Variants in THSD7B observed in about 807,000 individuals in gnomAD.
The protein encoded by THSD7B is thrombospondin type-1 domain-containing protein 7B.
Under a neutral mutation model 213.6 loss-of-function variants are expected in THSD7B, and 138 were observed. That is an observed-to-expected ratio of 0.65 (90% CI 0.56 to 0.74). The LOEUF (loss-of-function observed/expected upper bound fraction) is 0.74. THSD7B is among the 30% of genes least tolerant of loss of function. THSD7B has a pLI of 0.00. For missense variants in THSD7B, 1,931 were observed against 1,991.5 expected, an observed-to-expected ratio of 0.97 and a Z score of 0.58; for synonymous variants, 742 against 687.0, an observed-to-expected ratio of 1.08 and a Z score of -1.25.
chr2:137,338,689 C>T (rs1684694588), intron 12 of THSD7B, among the ~76,000 whole-genome samples: 1 of 152,082 alleles, frequency 6.6e-6, no homozygotes, highest in Non-Finnish European at 1.5e-5. Context: ...GATGTTGCTT[C>T]ATTGAAACCA....
chr2:137,624,714 A>G (rs1682590436), intron 20 of THSD7B, among the ~76,000 whole-genome samples: 1 of 152,262 alleles, frequency 6.6e-6, no homozygotes, highest in African/African-American at 2.4e-5. Context: ...GCCAACAGAC[A>G]CATGAAAAAA....
rs116814643 is a variant in THSD7B, at chr2:137,523,215, A to G, written c.3139-40006A>G. 9.4e-3 allele frequency among the ~76,000 whole-genome samples: 1,436 copies of G among 152,198 alleles called. 19 individuals carry two copies. Among genetic ancestry groups the G allele is most frequent in the African/African-American group, 0.033 (1,365 of 41,516 alleles). On this transcript the variant is annotated intron_variant, in intron 15 of 27. Transcript: ENST00000409968. ...TCTTCTGTCATTAATTCAAAATTCA[A>G]TTTTTGCCACATCAATTTTATTTGC...
At chr2:137,301,239 C>T (rs1683593688) in intron 12 of THSD7B, among the ~76,000 whole-genome samples, 1 of 152,022 alleles carries the variant, frequency 6.6e-6, no homozygotes, top group Non-Finnish European at 1.5e-5. Flanking sequence ...TTTATGGTTC[C>T]CAGGTGACTG....
chr2:137,431,137 C>T (rs896310177), intron 14 of THSD7B, among the ~76,000 whole-genome samples: 7 of 152,216 alleles, frequency 4.6e-5, no homozygotes, highest in Middle Eastern at 3.4e-3. Flanking sequence ...TGGTTTTATC[C>T]GTTTTAGAGA....
At chr2:136,946,334 C>T (rs905452541) in intron 2 of THSD7B, among the ~76,000 whole-genome samples, 1 of 152,068 alleles carries the variant, frequency 6.6e-6, no homozygotes, top group Non-Finnish European at 1.5e-5. Flanking sequence ...AATATTGCTG[C>T]CCGATCCTTC....
intron 12 of THSD7B, among the ~76,000 whole-genome samples, chr2:137,372,176 G>A (rs1685546635): frequency 6.6e-6 from 1 of 152,042 alleles, no homozygotes; most frequent in South Asian, 2.1e-4. Context: ...TTCAGTGGTG[G>A]CCTAGAGGGG....
At chr2:137,306,277 G>A (rs1400054676) in intron 12 of THSD7B, among the ~76,000 whole-genome samples, 2 of 151,974 alleles carry the variant, frequency 1.3e-5, no homozygotes, top group Non-Finnish European at 2.9e-5. Flanking sequence ...TTGTCTTTGT[G>A]GCCAGTCATT....
chr2:137,049,537 A>G (rs1008293580), intron 2 of THSD7B, among the ~76,000 whole-genome samples: 14 of 152,194 alleles, frequency 9.2e-5, no homozygotes, highest in African/African-American at 3.4e-4. Flanking sequence ...ACAAAAACAG[A>G]AATAATAAAC....
chr2:137,339,734 A>AGCAGCCCTAAGACTCAGGTGGCTTTGGTG (rs1684717462), intron 12 of THSD7B, among the ~76,000 whole-genome samples: 1 of 151,852 alleles, frequency 6.6e-6, no homozygotes, highest in Non-Finnish European at 1.5e-5. Flanking sequence ...CAGACAGGGA[A>AGCAGCCCTAAGACTCAGGTGGCTTTGGTG]AGGGCTGTTG....
At chr2:137,378,546 C>G (rs569764795) in intron 12 of THSD7B, among the ~76,000 whole-genome samples, 50 of 152,298 alleles carry the variant, frequency 3.3e-4, no homozygotes, top group African/African-American at 1.0e-3. Context: ...TTCAAGACCA[C>G]TTGTTGTCAT....
intron 12 of THSD7B, among the ~76,000 whole-genome samples, chr2:137,310,276 G>T (rs1459346430): frequency 2.0e-5 from 3 of 151,462 alleles, no homozygotes; most frequent in African/African-American, 7.3e-5. Flanking sequence ...ATTTTTTCAT[G>T]TGTTTTTTGG....
chr2:137,119,753 T>A (rs1240176134), intron 5 of THSD7B, among the ~76,000 whole-genome samples: 1 of 152,194 alleles, frequency 6.6e-6, no homozygotes, highest in Admixed American at 6.5e-5. Context: ...TTCTATTGAC[T>A]GTACTTAAGC....
chr2:137,275,436 ATTAATGTGAAGTTTGTACCTCAAGC>A (rs1682847776), intron 11 of THSD7B, among the ~76,000 whole-genome samples: 1 of 152,038 alleles, frequency 6.6e-6, no homozygotes, highest in South Asian at 2.1e-4. Flanking sequence ...GAAGCAGAAG[ATTAATGTGAAGTTTGTACCTCAAGC>A]TTACAGATGT....
At chr2:136,778,058 C>A (rs967022458) in intron 1 of THSD7B, among the ~76,000 whole-genome samples, 2 of 152,184 alleles carry the variant, frequency 1.3e-5, no homozygotes, top group Middle Eastern at 3.4e-3. Context: ...GAATGAAGGG[C>A]ATACTTATAG....
intron 17 of THSD7B, among the ~76,000 whole-genome samples, chr2:137,577,360 A>C (rs530795460): frequency 6.6e-6 from 1 of 152,160 alleles, no homozygotes; most frequent in African/African-American, 2.4e-5. Flanking sequence ...TAGGCTCCTC[A>C]AGTTTTTGAT....
intron 1 of THSD7B, among the ~76,000 whole-genome samples, chr2:136,779,240 G>A (rs1573634495): frequency 2.2e-5 from 3 of 136,842 alleles, no homozygotes; most frequent in Admixed American, 7.2e-5. Context: ...GTGTGTGTGT[G>A]TATTCTTTTT....
chr2:136,855,603 TTATTTA>T (rs869030708), intron 1 of THSD7B, among the ~76,000 whole-genome samples: 1 of 8,578 alleles, frequency 1.2e-4, no homozygotes, highest in Non-Finnish European at 4.3e-4. Context: ...TATTTATTTA[TTATTTA>T]TTTATTTATT....
chr2:137,348,637 A>G (rs940547554), intron 12 of THSD7B, among the ~76,000 whole-genome samples: 1 of 150,220 alleles, frequency 6.7e-6, no homozygotes, highest in Admixed American at 6.6e-5. Context: ...CAAAGTGTCT[A>G]TCTGAAACAG....
At chr2:136,930,040 C>G (rs1331963945) in intron 2 of THSD7B, among the ~76,000 whole-genome samples, 2 of 152,134 alleles carry the variant, frequency 1.3e-5, no homozygotes, top group Admixed American at 1.3e-4. Context: ...GCATGAAAAT[C>G]AAGTTTGTGG....
Sources: gnomAD v4.1 joint callset for allele counts (sites outside exome capture counted in the v4.1 genomes callset) on GRCh38, gnomAD v4.1.1 for gene constraint, MANE v1.5 for transcripts, NCBI Gene and HGNC (gene_info 2026-07-23, HGNC 2026-07-21) for gene names.